SNTG1: variants seen among roughly 807,000 people sequenced by gnomAD.
SNTG1 encodes the protein syntrophin gamma 1, also known as gamma-1-syntrophin.
In SNTG1, 39 loss-of-function variants were observed where a neutral mutation model predicts 74.7. The ratio of observed to expected loss-of-function variants is 0.52; its 90% CI spans 0.40 to 0.68. The LOEUF (loss-of-function observed/expected upper bound fraction) is 0.68, where lower values mean the gene tolerates loss of function less well. Ranked by LOEUF, SNTG1 falls within the 30% of genes least tolerant of loss-of-function variation. The pLI, the probability that SNTG1 is intolerant of heterozygous loss-of-function variation, is 0.00. For missense variants in SNTG1, 685 were observed against 609.5 expected (o/e 1.12, Z -1.30); for synonymous variants, 254 against 217.1 (o/e 1.17, Z -1.49).
chr8:50,103,813 G>A (rs1404035479), intron 1 of SNTG1, among the ~76,000 whole-genome samples: 2 of 152,162 alleles, frequency 1.3e-5, no homozygotes, highest in Non-Finnish European at 2.9e-5. Flanking sequence ...CATCTATTGA[G>A]ATAGTCATGT....
intron 1 of SNTG1, among the ~76,000 whole-genome samples, chr8:50,082,464 C>T (rs1822498759): frequency 6.6e-6 from 1 of 152,076 alleles, no homozygotes. Flanking sequence ...AGTCTTTCTT[C>T]CTGAAATATG....
At chr8:50,237,615 C>G (rs2085972508) in intron 2 of SNTG1, among the ~76,000 whole-genome samples, 1 of 152,060 alleles carries the variant, frequency 6.6e-6, no homozygotes, top group South Asian at 2.1e-4. Context: ...TTTTCCTGAA[C>G]TCTCCTTCAA....
chr8:50,428,099 A>C (rs576756871), intron 4 of SNTG1, among the ~76,000 whole-genome samples: 22 of 152,298 alleles, frequency 1.4e-4, no homozygotes, highest in African/African-American at 5.3e-4. Context: ...AGATCACTTG[A>C]GGCCAGGAGT....
At chr8:50,348,682 C>T (rs988807661) in intron 2 of SNTG1, among the ~76,000 whole-genome samples, 1 of 152,138 alleles carries the variant, frequency 6.6e-6, no homozygotes, top group Non-Finnish European at 1.5e-5. Flanking sequence ...TAAAACCTTG[C>T]AAGCATATGA....
chr8:50,577,559 A>G (rs2094584257), intron 12 of SNTG1, among the ~76,000 whole-genome samples: 1 of 74,366 alleles, frequency 1.3e-5, no homozygotes, highest in East Asian at 4.3e-4. Flanking sequence ...TATTTTTTGG[A>G]AAAGTTGAAG....
At chr8:50,094,586 G>T (rs940979868) in intron 1 of SNTG1, among the ~76,000 whole-genome samples, 2 of 151,998 alleles carry the variant, frequency 1.3e-5, no homozygotes, top group East Asian at 1.9e-4. Flanking sequence ...GAAAAAAAAT[G>T]CTCCACATCA....
Position 50,573,371 on chromosome 8 carries a change from G to T in SNTG1, c.811-17508G>T, listed in dbSNP as rs545837342. On this transcript the variant is annotated intron_variant, in intron 12 of 18. Coordinates refer to ENST00000642720, the MANE Select transcript of SNTG1 (RefSeq NM_018967.5). ...AATTTTTTAAGTAAATTAATTCCAA[G>T]CAGATCTTTATTAAAATCAGTTGTA... Among the ~76,000 whole-genome samples the T allele has an allele frequency of 3.4e-3, 512 of 151,976 alleles. 3 individuals carry two copies. Among genetic ancestry groups the T allele is most frequent in the Non-Finnish European group, 6.0e-3 (409 of 67,850 alleles).
intron 9 of SNTG1, among the ~76,000 whole-genome samples, chr8:50,503,205 T>C (rs2093979026): frequency 6.6e-6 from 1 of 152,306 alleles, no homozygotes; most frequent in African/African-American, 2.4e-5. Flanking sequence ...GTATTTTCTC[T>C]AACTAAAAAT....
At chr8:49,962,080 G>A (rs541955926) in intron 1 of SNTG1, among the ~76,000 whole-genome samples, 4 of 152,198 alleles carry the variant, frequency 2.6e-5, no homozygotes, top group Admixed American at 1.3e-4. Flanking sequence ...GCCCTTGAGC[G>A]GACATTGAGA....
At chr8:50,323,301 G>C (rs2090604959) in intron 2 of SNTG1, among the ~76,000 whole-genome samples, 1 of 152,014 alleles carries the variant, frequency 6.6e-6, no homozygotes, top group African/African-American at 2.4e-5. Flanking sequence ...TGAATTCTCT[G>C]TCTGAAAGGT....
intron 1 of SNTG1, among the ~76,000 whole-genome samples, chr8:49,981,757 C>A (rs1221688641): frequency 6.6e-6 from 1 of 151,534 alleles, no homozygotes; most frequent in Non-Finnish European, 1.5e-5. Flanking sequence ...CCTGTTCCTC[C>A]CCAAAGGCAT....
chr8:50,485,425 G>A (rs1350060478), intron 8 of SNTG1, among the ~76,000 whole-genome samples: 1 of 151,976 alleles, frequency 6.6e-6, no homozygotes, highest in Non-Finnish European at 1.5e-5. Context: ...TTAACTGGTT[G>A]TAAATATTTG....
chr8:50,501,425 GTTTTTTTTTTTT>G (rs59123896), intron 8 of SNTG1, among the ~76,000 whole-genome samples: 8 of 57,082 alleles, frequency 1.4e-4, no homozygotes, highest in African/African-American at 3.9e-4. Flanking sequence ...GAGCCTGTGC[GTTTTTTTTTTTT>G]TTTTTTTTTT....
At chr8:50,256,239 C>G (rs1312465490) in intron 2 of SNTG1, among the ~76,000 whole-genome samples, 1 of 151,848 alleles carries the variant, frequency 6.6e-6, no homozygotes, top group Non-Finnish European at 1.5e-5. Context: ...CTTTGTAACA[C>G]CCACAGGGCC....
At chr8:50,399,950 T>C (rs1563334818) in intron 3 of SNTG1, among the ~76,000 whole-genome samples, 1 of 152,144 alleles carries the variant, frequency 6.6e-6, no homozygotes, top group African/African-American at 2.4e-5. Flanking sequence ...AAAGCTTCTG[T>C]TTTTCCTAAA....
chr8:50,504,758 C>A (rs1027384937), intron 9 of SNTG1, among the ~76,000 whole-genome samples: 16 of 151,960 alleles, frequency 1.1e-4, no homozygotes, highest in African/African-American at 3.4e-4. Context: ...CTGAGTAAGA[C>A]CCCATCTCAA....
chr8:50,152,268 T>C (rs1343444842), intron 1 of SNTG1, among the ~76,000 whole-genome samples: 2 of 152,180 alleles, frequency 1.3e-5, no homozygotes, highest in African/African-American at 4.8e-5. Flanking sequence ...TGGTAGATCT[T>C]CCTCCATCTC....
At chr8:50,292,483 G>A (rs779357324) in intron 2 of SNTG1, among the ~76,000 whole-genome samples, 22 of 152,152 alleles carry the variant, frequency 1.4e-4, no homozygotes, top group Non-Finnish European at 2.6e-4. Context: ...TCTGATTGAA[G>A]TGTGAAGACT....
Position 50,061,073 on chromosome 8 carries a change from A to G in SNTG1, c.-102-111488A>G, listed in dbSNP as rs572280698. 2.2e-3 allele frequency among the ~76,000 whole-genome samples: 331 copies of G among 152,254 alleles called. 3 individuals carry two copies. The highest frequency in any genetic ancestry group is 3.9e-3 in the Non-Finnish European group (265 of 68,010). On this transcript the variant is annotated intron_variant, in intron 1 of 18. Coordinates refer to ENST00000642720, the MANE Select transcript of SNTG1 (RefSeq NM_018967.5). Reference sequence around the variant, plus strand: ...GGTACTGGCCTTAAAAATGAGTTGGAAAATGATCTCTTCTTTAATTTTATG... The same window carrying G: ...GGTACTGGCCTTAAAAATGAGTTGGGAAATGATCTCTTCTTTAATTTTATG...
Sources: gnomAD v4.1 joint callset for allele counts (sites outside exome capture counted in the v4.1 genomes callset) on GRCh38, gnomAD v4.1.1 for gene constraint, MANE v1.5 for transcripts, NCBI Gene and HGNC (gene_info 2026-07-23, HGNC 2026-07-21) for gene names.